Variants in MDGA2 observed in about 807,000 individuals in gnomAD.
MDGA2 encodes the protein MAM domain-containing glycosylphosphatidylinositol anchor protein 2.
Under a neutral mutation model 117.8 loss-of-function variants are expected in MDGA2, and 40 were observed. The observed-to-expected ratio is 0.34, with a 90% CI of 0.26 to 0.44. MDGA2 has a LOEUF of 0.44. MDGA2 is among the 20% of genes least tolerant of loss of function. The pLI is 1.00. For synonymous variants in MDGA2, 452 were observed against 439.0 expected (o/e 1.03, Z -0.37); for missense variants, 1,123 against 1,250.6 (o/e 0.90, Z 1.54).
chr14:47,665,515 G>T (rs1269863609), intron 1 of MDGA2, among the ~76,000 whole-genome samples: 1 of 152,194 alleles, frequency 6.6e-6, no homozygotes, highest in Non-Finnish European at 1.5e-5. Context: ...CCCTCGGCTT[G>T]TGGGGAGGTG....
intron 1 of MDGA2, among the ~76,000 whole-genome samples, chr14:47,312,181 T>C (rs1889656594): frequency 6.6e-6 from 1 of 152,152 alleles, no homozygotes. Flanking sequence ...GCTCAAACAA[T>C]TCAATTTTCA....
intron 1 of MDGA2, chr14:47,444,132 C>T: frequency 4.8e-6 from 1 of 209,978 alleles, no homozygotes; most frequent in South Asian, 8.4e-5. Context: ...CAGGATTTTC[C>T]CTACTGTGCA....
chr14:47,212,475 C>A (rs1885920376), intron 3 of MDGA2, among the ~76,000 whole-genome samples: 1 of 152,146 alleles, frequency 6.6e-6, no homozygotes, highest in African/African-American at 2.4e-5. Flanking sequence ...AATAATGATA[C>A]ATCAAACAAC....
chr14:47,365,006 C>T (rs1376069613), intron 1 of MDGA2, among the ~76,000 whole-genome samples: 2 of 152,096 alleles, frequency 1.3e-5, no homozygotes, highest in Non-Finnish European at 2.9e-5. Context: ...TTCCAAGAAA[C>T]AATTTAAGTC....
At chr14:47,015,878 T>TA (rs1341103529) in intron 8 of MDGA2, among the ~76,000 whole-genome samples, 3 of 151,854 alleles carry the variant, frequency 2.0e-5, no homozygotes, top group African/African-American at 7.3e-5. Flanking sequence ...AGCCCAGATG[T>TA]AAAAAACAAA....
chr14:46,848,647 TAA>T (rs71112463), intron 15 of MDGA2, among the ~76,000 whole-genome samples: 121 of 129,622 alleles, frequency 9.3e-4, no homozygotes, highest in Non-Finnish European at 8.4e-4. Context: ...AGGCTTGTGC[TAA>T]AAAAAAAAAA....
intron 1 of MDGA2, among the ~76,000 whole-genome samples, chr14:47,364,816 C>T (rs1891197544): frequency 6.6e-6 from 1 of 152,132 alleles, no homozygotes; most frequent in Non-Finnish European, 1.5e-5. Context: ...GGAGTATGTC[C>T]TCTTGATATT....
chr14:47,259,067 T>A (rs1321305820), intron 2 of MDGA2, among the ~76,000 whole-genome samples: 2 of 152,116 alleles, frequency 1.3e-5, no homozygotes, highest in African/African-American at 4.8e-5. Flanking sequence ...AGCTATTCAC[T>A]GTTTTCTACA....
chr14:47,321,147 G>C (rs1223471040), intron 1 of MDGA2, among the ~76,000 whole-genome samples: 1 of 152,180 alleles, frequency 6.6e-6, no homozygotes, highest in Non-Finnish European at 1.5e-5. Context: ...TGTCTGCTCT[G>C]TCTTAGCTTG....
chr14:47,609,601 C>A (rs995657995), intron 1 of MDGA2, among the ~76,000 whole-genome samples: 1 of 150,496 alleles, frequency 6.6e-6, no homozygotes, highest in Non-Finnish European at 1.5e-5. Context: ...TGGGTAGATA[C>A]CCAGTAGTGG....
At chr14:47,630,274 G>T (rs546338978) in intron 1 of MDGA2, among the ~76,000 whole-genome samples, 1 of 151,912 alleles carries the variant, frequency 6.6e-6, no homozygotes, top group African/African-American at 2.4e-5. Flanking sequence ...TATAAGTATC[G>T]GTTACATGGA....
intron 1 of MDGA2, among the ~76,000 whole-genome samples, chr14:47,626,778 C>A (rs1897152025): frequency 6.6e-6 from 1 of 152,218 alleles, no homozygotes; most frequent in African/African-American, 2.4e-5. Flanking sequence ...CTGCAGCCCG[C>A]CATGCCTGAG....
chr14:47,061,646 A>C, intron 6 of MDGA2, 68 bp from the exon 7 acceptor site: 1 of 1,214,266 alleles, frequency 8.2e-7, no homozygotes. Flanking sequence ...TTAACTGTAG[A>C]TAATCATCTC....
chr14:47,343,099 T>A (rs1890681503), intron 1 of MDGA2: 5 of 1,255,612 alleles, frequency 4.0e-6, no homozygotes, highest in Non-Finnish European at 5.1e-6. Context: ...AAGCCTCACC[T>A]TGAATAACCA....
intron 1 of MDGA2, among the ~76,000 whole-genome samples, chr14:47,369,503 G>C (rs1891299266): frequency 6.6e-6 from 1 of 152,022 alleles, no homozygotes; most frequent in African/African-American, 2.4e-5. Context: ...AGCAATGTAT[G>C]AGAACTCAGG....
intron 9 of MDGA2, among the ~76,000 whole-genome samples, chr14:46,930,998 C>T (rs1194924991): frequency 6.6e-6 from 1 of 151,920 alleles, no homozygotes; most frequent in Non-Finnish European, 1.5e-5. Context: ...GGGCGGATCA[C>T]GAGGTCAAGA....
At chr14:47,427,252 C>G (rs1056689739) in intron 1 of MDGA2, among the ~76,000 whole-genome samples, 4 of 152,130 alleles carry the variant, frequency 2.6e-5, no homozygotes, top group Non-Finnish European at 4.4e-5. Context: ...CCTCCTGCTC[C>G]CTTCCTCCCA....
intron 1 of MDGA2, among the ~76,000 whole-genome samples, chr14:47,656,545 T>C (rs909992680): frequency 3.3e-5 from 5 of 152,112 alleles, no homozygotes; most frequent in African/African-American, 1.2e-4. Context: ...AAAATAAACA[T>C]AGTCTTATTG....
chr14:47,384,025 T>TAGATAGGTAATAGA, intron 1 of MDGA2, among the ~76,000 whole-genome samples: 1 of 143,956 alleles, frequency 6.9e-6, no homozygotes, highest in Admixed American at 7.0e-5. Context: ...AATAGATAGA[T>TAGATAGGTAATAGA]TAGATAAAGA....
Sources: gnomAD v4.1 joint callset for allele counts (sites outside exome capture counted in the v4.1 genomes callset) on GRCh38, gnomAD v4.1.1 for gene constraint, MANE v1.5 for transcripts, NCBI Gene and HGNC (gene_info 2026-07-23, HGNC 2026-07-21) for gene names.